FBXO31: variants seen among roughly 807,000 people sequenced by gnomAD.
FBXO31 encodes the protein F-box protein 31, also known as F-box only protein 31.
FBXO31 carries 24 observed loss-of-function variants against 54.4 expected under a neutral mutation model. The observed-to-expected ratio is 0.44, with a 90% confidence interval of 0.32 to 0.62. FBXO31 has a LOEUF of 0.62. FBXO31 is among the 20% of genes least tolerant of loss of function. FBXO31 has a pLI of 0.05. For synonymous variants in FBXO31, 388 were observed against 335.6 expected (o/e 1.16, Z -1.71); for missense variants, 665 against 787.1 (o/e 0.84, Z 1.86).
chr16:87,377,930 G>C (rs1324394663), intron 1 of FBXO31, among the ~76,000 whole-genome samples: 4 of 152,172 alleles, frequency 2.6e-5, no homozygotes, highest in South Asian at 4.1e-4. Context: ...GCCCGAGGCA[G>C]GCGGATCACC....
At chr16:87,391,879 G>C (rs1597386652), upstream of FBXO31, 1 of 152,400 alleles carries the variant, frequency 6.6e-6, no homozygotes, top group Non-Finnish European at 1.5e-5. Context: ...GGCGTCTCGG[G>C]CAGCACCACC....
rs1032342794 is a variant in FBXO31, at chr16:87,343,084, C to T, written c.658-133G>A. On this transcript the variant is annotated intron_variant, in intron 4 of 8. Coordinates refer to ENST00000311635, the MANE Select transcript of FBXO31 (RefSeq NM_024735.5). The stretch of plus-strand genomic sequence containing the variant: ...AACCCCACTGCAGGCACCCAAGATG[C>T]GACCAACGCGGTGCCAGCGGAGGGA... The T allele has an allele frequency of 1.2e-5, 8 of 678,300 alleles. 1 individual carries two copies. Among genetic ancestry groups the T allele is most frequent in the South Asian group, 1.9e-5 (1 of 51,776 alleles). The allele number at this position is 678,300 out of a possible 1,614,324, so 42.0% of individuals were successfully genotyped here. A position where few individuals can be genotyped will look rare whatever the true frequency, so the allele number is the denominator to read the frequency against.
intron 1 of FBXO31, among the ~76,000 whole-genome samples, chr16:87,376,867 T>G (rs1906845948): frequency 6.6e-6 from 1 of 152,206 alleles, no homozygotes; most frequent in Non-Finnish European, 1.5e-5. Flanking sequence ...TAACGAAATG[T>G]TAGGAAAGAT....
At chr16:87,383,915 G>A (rs966816719), upstream of FBXO31, 1 of 366,924 alleles carries the variant, frequency 2.7e-6, no homozygotes, top group Non-Finnish European at 4.2e-6. This position sits in a 1 kb window ranked among gnomAD's most constrained non-coding sequence, Gnocchi z 4.9. Flanking sequence ...CCCGCGGGGC[G>A]GCGACCTCAG....
intron 1 of FBXO31, chr16:87,367,263 T>C (rs775822126): frequency 6.6e-6 from 1 of 152,234 alleles, no homozygotes; most frequent in Non-Finnish European, 1.5e-5. Flanking sequence ...TAACATGGGT[T>C]GTCAATCTGA....
chr16:87,374,218 A>G (rs1906724777), intron 1 of FBXO31, among the ~76,000 whole-genome samples: 1 of 151,622 alleles, frequency 6.6e-6, no homozygotes, highest in Non-Finnish European at 1.5e-5. Flanking sequence ...CTCCAACCTG[A>G]GCAACAGAGG....
intron 1 of FBXO31, among the ~76,000 whole-genome samples, chr16:87,361,666 C>T (rs540395117): frequency 5.3e-4 from 81 of 152,362 alleles, no homozygotes; most frequent in African/African-American, 1.7e-3. Flanking sequence ...ATAAGCCCTA[C>T]TCGCGCAGAG....
At chr16:87,365,010 A>AATAAATATATATATATATATAT (rs1906294219) in intron 1 of FBXO31, among the ~76,000 whole-genome samples, 1 of 47,684 alleles carries the variant, frequency 2.1e-5, no homozygotes, top group Non-Finnish European at 3.6e-5. Context: ...CCGTCTCTTA[A>AATAAATATATATATATATATAT]ATATATATAT....
At chr16:87,375,282 G>C (rs1160083443) in intron 1 of FBXO31, among the ~76,000 whole-genome samples, 2 of 152,108 alleles carry the variant, frequency 1.3e-5, no homozygotes, top group Non-Finnish European at 2.9e-5. Flanking sequence ...ACTCCAGCCT[G>C]GGTGACAGAG....
intron 1 of FBXO31, chr16:87,389,723 T>C (rs574410005): frequency 6.6e-6 from 1 of 152,304 alleles, no homozygotes; most frequent in East Asian, 1.9e-4. Context: ...GGTAGGTACA[T>C]AATATGCGCT....
chr16:87,391,121 C>T (rs1484266128), upstream of FBXO31, among the ~76,000 whole-genome samples: 5 of 152,050 alleles, frequency 3.3e-5, no homozygotes, highest in African/African-American at 9.7e-5. Context: ...GAGGCCGAGG[C>T]GGGAGGGTTG....
rs1031091236 is a variant in FBXO31, at chr16:87,365,038, T to TATATATATATATA, written c.341-4673_341-4672insTATATATATATAT. ...ATATATATATATATATATATATATA[T>TATATATATATATA]ATCAGGCAGGCCACCCAATAATTAC... On this transcript the variant is annotated intron_variant, in intron 1 of 8. Coordinates refer to ENST00000311635, the MANE Select transcript of FBXO31 (RefSeq NM_024735.5). Among the ~76,000 whole-genome samples, 7 of 110,814 alleles carry TATATATATATATA rather than the reference T, an allele frequency of 6.3e-5. 1 individual carries two copies. Among genetic ancestry groups the TATATATATATATA allele is most frequent in the African/African-American group, 2.4e-4 (7 of 29,232 alleles). The allele number at this position is 110,814 out of a possible 152,430, so 72.7% of individuals were successfully genotyped here.
chr16:87,361,816 G>A (rs923513131), intron 1 of FBXO31, among the ~76,000 whole-genome samples: 4 of 152,250 alleles, frequency 2.6e-5, no homozygotes, highest in African/African-American at 7.2e-5. Context: ...CTGCTACTCA[G>A]CAAACCTCTT....
chr16:87,356,212 G>C (rs1234422096), intron 2 of FBXO31, among the ~76,000 whole-genome samples: 2 of 147,896 alleles, frequency 1.4e-5, no homozygotes, highest in African/African-American at 5.0e-5. Flanking sequence ...CTGGGTGACA[G>C]AGTGAGACTC....
At chr16:87,341,942 T>C (rs917456191) in intron 5 of FBXO31, among the ~76,000 whole-genome samples, 9 of 151,854 alleles carry the variant, frequency 5.9e-5, no homozygotes, top group Admixed American at 5.9e-4. Context: ...CCGCGCGCGA[T>C]GGCTCACACC....
rs545938352 is a variant in FBXO31 at position 87,329,251 on chromosome 16, C to T, written c.*2037G>A. 6.6e-6 allele frequency: 1 copy of T among 152,562 alleles called. No homozygotes were observed. The highest frequency in any genetic ancestry group is 1.5e-5 in the Non-Finnish European group (1 of 68,302). 9.5% of individuals were successfully genotyped at this position (152,562 alleles called of 1,614,324 possible). A position where few individuals can be genotyped will look rare whatever the true frequency, so the allele number is the denominator to read the frequency against. ...CCGCCCCCAACATACACACCAGAAC[C>T]AGGAGCCACATGAACTGACCAACAG... On this transcript the variant is annotated 3_prime_UTR_variant, in exon 9 of 9. Transcript: ENST00000311635.
intron 1 of FBXO31, among the ~76,000 whole-genome samples, chr16:87,360,953 C>T (rs1394067865): frequency 6.6e-6 from 1 of 152,226 alleles, no homozygotes; most frequent in Non-Finnish European, 1.5e-5. Context: ...CCCTCACCTG[C>T]TGACAGCACC....
In FBXO31 at chr16:87,346,065, A is replaced by G. The variant is rs1372758290; in HGVS notation, c.489+1109T>C. Among the ~76,000 whole-genome samples the G allele has an allele frequency of 1.3e-5, 2 of 152,184 alleles. No individual in the cohort carries two copies. Among genetic ancestry groups the G allele is most frequent in the Admixed American group, 6.5e-5 (1 of 15,284 alleles). On this transcript the variant is annotated intron_variant, in intron 3 of 8. Transcript: ENST00000311635. The surrounding 1 kb of genome is among the most constrained non-coding windows in gnomAD (Gnocchi z 4.2). ...CAAGCGAAGCGTGACTCACAAAGCC[A>G]GGAAGAGAAAAGGAGGAATCAGGGC...
Position 87,349,848 on chromosome 16 carries a change from G to A in FBXO31, c.413-2598C>T, listed in dbSNP as rs535378209. On this transcript the variant is annotated intron_variant, in intron 2 of 8. Coordinates refer to ENST00000311635, the MANE Select transcript of FBXO31 (RefSeq NM_024735.5). ...CACTTGAGCCCGGGAGGCGGAGGCTGTAGTGAGCTATGATCGTGCCACTGC... is the reference window on the plus strand; with the variant it reads ...CACTTGAGCCCGGGAGGCGGAGGCTATAGTGAGCTATGATCGTGCCACTGC... Among the ~76,000 whole-genome samples the A allele has an allele frequency of 2.6e-5, 4 of 151,764 alleles. No individual in the cohort carries two copies. In the East Asian group the frequency reaches 7.7e-4, roughly 29 times the overall value.
Sources: allele counts gnomAD v4.1 joint callset (sites outside exome capture counted in the v4.1 genomes callset), GRCh38; gene constraint gnomAD v4.1.1; non-coding constraint Gnocchi (gnomAD v3.1); transcripts MANE v1.5; gene names NCBI Gene and HGNC (gene_info 2026-07-23, HGNC 2026-07-21).